Variants in DNAH8 observed in about 807,000 individuals in gnomAD.
DNAH8 encodes axonemal beta dynein heavy chain 8.
DNAH8 carries 382 observed loss-of-function variants against 562.1 expected under a neutral mutation model. The observed-to-expected ratio is 0.68, with a 90% CI of 0.63 to 0.74. The LOEUF is 0.74. Among genes scored for constraint, DNAH8 ranks in the 30% least tolerant of loss-of-function variants. The pLI, the probability that DNAH8 is intolerant of heterozygous loss-of-function variation, is 0.00. For missense variants in DNAH8, 5,203 were observed against 5,620.4 expected, an observed-to-expected ratio of 0.93 and a Z score of 2.37; for synonymous variants, 1,881 against 1,919.4, an observed-to-expected ratio of 0.98 and a Z score of 0.52.
chr6:38,991,588 G>A (rs184556936), intron 88 of DNAH8, among the ~76,000 whole-genome samples: 78 of 152,242 alleles, frequency 5.1e-4, no homozygotes, highest in African/African-American at 1.5e-3. Context: ...GTCAAAGACC[G>A]ACAGTGACCT....
chr6:38,975,066 T>C (rs938358686), intron 85 of DNAH8, among the ~76,000 whole-genome samples: 42 of 152,194 alleles, frequency 2.8e-4, no homozygotes, highest in African/African-American at 8.7e-4. Flanking sequence ...ATTTATTACC[T>C]GATAGTAAAA....
Position 38,915,125 on chromosome 6 carries a change from T to A in DNAH8, c.9964-76T>A. On this transcript the variant is annotated intron_variant, in intron 67 of 92. Transcript: ENST00000327475. ...TGTTTTATATTATGTTGAATAAATATTTGCTCACTATTCAGATCTATAAAT... is the reference window on the plus strand; with the variant it reads ...TGTTTTATATTATGTTGAATAAATAATTGCTCACTATTCAGATCTATAAAT... 8.2e-6 allele frequency: 10 copies of A among 1,217,594 alleles called. No homozygotes were observed. In the South Asian group the frequency reaches 1.5e-4, roughly 18 times the overall value. 75.4% of individuals were successfully genotyped at this position (1,217,594 alleles called of 1,614,324 possible).
intron 32 of DNAH8, 49 bp downstream of exon 32, chr6:38,834,690 T>C: frequency 1.4e-6 from 2 of 1,421,436 alleles, no homozygotes; most frequent in Middle Eastern, 1.8e-4. Context: ...ATTTAAAAAA[T>C]TATTTTGGGG....
intron 82 of DNAH8, among the ~76,000 whole-genome samples, chr6:38,962,686 T>A (rs1247631784): frequency 3.3e-5 from 5 of 152,170 alleles, no homozygotes; most frequent in African/African-American, 1.2e-4. Context: ...TATATTCAAT[T>A]AGTTATATAT....
chr6:38,863,152 C>A (rs1035479778), intron 44 of DNAH8, among the ~76,000 whole-genome samples: 1 of 152,054 alleles, frequency 6.6e-6, no homozygotes, highest in African/African-American at 2.4e-5. Context: ...AAACCAAACT[C>A]CCGGCCGGGC....
chr6:38,782,959 C>A, intron 16 of DNAH8, 45 bp from the exon 17 acceptor site: 1 of 1,536,308 alleles, frequency 6.5e-7, no homozygotes, highest in Non-Finnish European at 8.9e-7. Flanking sequence ...GATATAAAAA[C>A]ATTCAGCAGT....
intron 21 of DNAH8, among the ~76,000 whole-genome samples, chr6:38,799,642 A>T (rs1770599418): frequency 6.6e-6 from 1 of 152,214 alleles, no homozygotes; most frequent in South Asian, 2.1e-4. Flanking sequence ...TCACCCATTT[A>T]AAGTGTACAT....
rs372080325 is a variant in DNAH8, at chr6:38,938,989, G to T, written c.12007+1G>T. 8.1e-6 allele frequency: 13 copies of T among 1,611,968 alleles called. No individual in the cohort carries two copies. In the African/African-American group the frequency reaches 1.7e-4, roughly 22 times the overall value. The stretch of plus-strand genomic sequence containing the variant: ...AGAGAGTTTCAAGCTCTCATTAAAG[G>T]TAAAGTGTGTGGGATACAGATGTGG... On this transcript the variant is annotated splice_donor_variant, in intron 79 of 92. Coordinates refer to ENST00000327475, the MANE Select transcript of DNAH8 (RefSeq NM_001206927.2). LOFTEE classifies it high-confidence loss of function.
intron 36 of DNAH8, among the ~76,000 whole-genome samples, chr6:38,847,644 A>G (rs1775403880): frequency 2.6e-5 from 4 of 152,114 alleles, no homozygotes. Context: ...ACCCCATTCT[A>G]CATGTGAATC....
intron 26 of DNAH8, among the ~76,000 whole-genome samples, chr6:38,821,748 G>T (rs901241565): frequency 2.6e-5 from 4 of 152,146 alleles, no homozygotes; most frequent in African/African-American, 9.7e-5. Flanking sequence ...TTATTGTGGA[G>T]ATAGGATTTT....
At chr6:38,824,213 G>C (rs1473971493) in intron 28 of DNAH8, among the ~76,000 whole-genome samples, 4 of 152,208 alleles carry the variant, frequency 2.6e-5, no homozygotes, top group Non-Finnish European at 4.4e-5. Flanking sequence ...GTACTGGTCA[G>C]GCACAGTGTA....
rs574793524 is a variant in DNAH8, at chr6:38,849,710, A to T, written c.5200-541A>T. Reference sequence around the variant, plus strand: ...GAGGAAAGATTATGCCAATTGCTAGAGGCATTTTTGCAGCTAAGTACAAAG... The same window carrying T: ...GAGGAAAGATTATGCCAATTGCTAGTGGCATTTTTGCAGCTAAGTACAAAG... On this transcript the variant is annotated intron_variant, in intron 37 of 92. Transcript: ENST00000327475. 2.0e-5 allele frequency among the ~76,000 whole-genome samples: 3 copies of T among 152,270 alleles called. No individual in the cohort carries two copies. The South Asian group carries it at 6.2e-4, about 32-fold the overall frequency.
At chr6:38,994,639 CT>C (rs1561954962) in intron 88 of DNAH8, among the ~76,000 whole-genome samples, 2 of 109,486 alleles carry the variant, frequency 1.8e-5, no homozygotes, top group African/African-American at 3.2e-5. Flanking sequence ...TCACCAGTGA[CT>C]TTTTTTTTCT....
chr6:38,755,878 T>C, intron 9 of DNAH8, 94 bp from the exon 10 acceptor site: 1 of 759,994 alleles, frequency 1.3e-6, no homozygotes, highest in Non-Finnish European at 2.2e-6. Context: ...TGCTATACTA[T>C]TTTGTGTACC....
At chr6:38,873,209 A>G (rs553214664) in intron 51 of DNAH8, 27 bp from the exon 52 acceptor site, 15 of 1,612,642 alleles carry the variant, frequency 9.3e-6, no homozygotes, top group Non-Finnish European at 1.3e-5. Flanking sequence ...TTTCTCAATA[A>G]ACACAGATTC....
At chr6:38,746,709 A>C (rs146612127) in intron 8 of DNAH8, among the ~76,000 whole-genome samples, 2,437 of 152,264 alleles carry the variant, frequency 0.016, 49 homozygotes, top group South Asian at 0.1. Flanking sequence ...TGGGTGGATC[A>C]CCTGAGGTCA....
intron 12 of DNAH8, among the ~76,000 whole-genome samples, chr6:38,772,189 C>T (rs958529932): frequency 1.1e-4 from 17 of 151,960 alleles, no homozygotes; most frequent in African/African-American, 3.4e-4. Flanking sequence ...CCACTACGCC[C>T]GGCTAATTTT....
At chr6:38,888,820 A>C (rs929200654) in intron 57 of DNAH8, among the ~76,000 whole-genome samples, 4 of 152,334 alleles carry the variant, frequency 2.6e-5, no homozygotes, top group African/African-American at 9.6e-5. Context: ...TTTGGATAAC[A>C]ATTTTGCATC....
chr6:38,751,895 T>C (rs1392423470), intron 9 of DNAH8, among the ~76,000 whole-genome samples: 1 of 152,210 alleles, frequency 6.6e-6, no homozygotes, highest in Non-Finnish European at 1.5e-5. Context: ...GACAGCTGCA[T>C]TTTTAAAGAT....
Sources: gnomAD v4.1 joint callset for allele counts (sites outside exome capture counted in the v4.1 genomes callset) on GRCh38, gnomAD v4.1.1 for gene constraint, MANE v1.5 for transcripts, NCBI Gene and HGNC (gene_info 2026-07-23, HGNC 2026-07-21) for gene names.